SGCZ: variants seen among roughly 807,000 people sequenced by gnomAD.
The protein encoded by SGCZ is sarcoglycan zeta, also known as zeta-sarcoglycan.
In SGCZ, 40 loss-of-function variants were observed where a neutral mutation model predicts 41.3. The observed-to-expected ratio is 0.97, with a 90% CI of 0.75 to 1.26. The LOEUF (loss-of-function observed/expected upper bound fraction) is 1.26, where lower values mean the gene tolerates loss of function less well. Ranked by LOEUF, SGCZ falls within the 50% of genes most tolerant of loss-of-function variation. The pLI is 0.00. For missense variants in SGCZ, 552 were observed against 369.8 expected (o/e 1.49, Z -4.04); for synonymous variants, 206 against 137.5 (o/e 1.50, Z -3.49).
intron 4 of SGCZ, among the ~76,000 whole-genome samples, chr8:14,223,878 G>A (rs903040709): frequency 6.6e-6 from 1 of 152,178 alleles, no homozygotes; most frequent in African/African-American, 2.4e-5. Flanking sequence ...TACTAATAGT[G>A]ATAGCAGTTA....
rs375587306 is a variant in SGCZ, at chr8:14,682,611, T to C, written c.40-127685A>G. Among the ~76,000 whole-genome samples the C allele has an allele frequency of 3.3e-5, 5 of 152,184 alleles. No homozygotes were observed. The East Asian group carries it at 7.8e-4, about 24-fold the overall frequency. On this transcript the variant is annotated intron_variant, in intron 1 of 7. Coordinates refer to ENST00000382080, the MANE Select transcript of SGCZ (RefSeq NM_139167.4). ...CACCACGCCCGGCTAATTTTTTGTA[T>C]TTTTAGTAGAGACGGGATTTCACTG...
intron 2 of SGCZ, among the ~76,000 whole-genome samples, chr8:14,429,713 A>G (rs777102159): frequency 1.3e-5 from 2 of 152,190 alleles, no homozygotes; most frequent in Non-Finnish European, 2.9e-5. Context: ...AAGAGGACAA[A>G]ACACAGTTCT....
intron 1 of SGCZ, among the ~76,000 whole-genome samples, chr8:15,121,618 C>G (rs960689675): frequency 6.6e-6 from 1 of 151,994 alleles, no homozygotes; most frequent in Non-Finnish European, 1.5e-5. Context: ...ATTTAAGAAA[C>G]AGAAAAGAAA....
chr8:14,247,433 G>C (rs1392700001), intron 3 of SGCZ, among the ~76,000 whole-genome samples: 1 of 152,144 alleles, frequency 6.6e-6, no homozygotes, highest in East Asian at 1.9e-4. Flanking sequence ...CAGGGAATCT[G>C]GGGTAATCTA....
chr8:14,772,093 T>A (rs1563259015), intron 1 of SGCZ, among the ~76,000 whole-genome samples: 1 of 152,148 alleles, frequency 6.6e-6, no homozygotes, highest in South Asian at 2.1e-4. Context: ...TTCAATATAG[T>A]ATTCAATAAG....
intron 2 of SGCZ, among the ~76,000 whole-genome samples, chr8:14,422,596 C>G (rs1799664558): frequency 6.6e-6 from 1 of 152,148 alleles, no homozygotes; most frequent in African/African-American, 2.4e-5. Flanking sequence ...TACTGTAAAA[C>G]AATGCCTTGT....
chr8:14,254,191 G>T (rs10112034), intron 3 of SGCZ, among the ~76,000 whole-genome samples: 1 of 152,022 alleles, frequency 6.6e-6, no homozygotes, highest in East Asian at 1.9e-4. Context: ...GTGAACCCTG[G>T]ATTTTGAGTT....
intron 1 of SGCZ, 123 bp downstream of exon 1, chr8:15,237,462 C>T (rs1487232040): frequency 8.4e-6 from 10 of 1,186,964 alleles, no homozygotes; most frequent in African/African-American, 4.5e-5. Context: ...GTCCCCCCAA[C>T]GCCCCCTCGT....
intron 2 of SGCZ, among the ~76,000 whole-genome samples, chr8:14,365,821 A>G (rs1803686599): frequency 6.6e-6 from 1 of 152,152 alleles, no homozygotes; most frequent in Admixed American, 6.5e-5. Flanking sequence ...GGCTGTTAAT[A>G]AAATCATATT....
intron 1 of SGCZ, among the ~76,000 whole-genome samples, chr8:14,584,658 C>T (rs974731701): frequency 2.2e-4 from 34 of 152,072 alleles, no homozygotes; most frequent in African/African-American, 8.0e-4. Context: ...GGGCCAAAAG[C>T]ACGCTAAATT....
intron 1 of SGCZ, among the ~76,000 whole-genome samples, chr8:14,854,816 A>C (rs1338674325): frequency 6.6e-6 from 1 of 151,994 alleles, no homozygotes; most frequent in Non-Finnish European, 1.5e-5. Flanking sequence ...CTCCCAGGGC[A>C]TATAAACCCG....
intron 4 of SGCZ, among the ~76,000 whole-genome samples, chr8:14,202,775 T>C (rs954613631): frequency 6.6e-6 from 1 of 152,176 alleles, no homozygotes; most frequent in Non-Finnish European, 1.5e-5. Context: ...AGATCTCTCC[T>C]GACACATTTT....
chr8:14,171,731 T>A (rs1248205111), intron 4 of SGCZ, among the ~76,000 whole-genome samples: 1 of 151,860 alleles, frequency 6.6e-6, no homozygotes, highest in Non-Finnish European at 1.5e-5. Context: ...TATTTATTTA[T>A]CCTACCACTT....
At chr8:15,167,861 T>C (rs891035985) in intron 1 of SGCZ, among the ~76,000 whole-genome samples, 2 of 152,164 alleles carry the variant, frequency 1.3e-5, no homozygotes, top group Non-Finnish European at 2.9e-5. Context: ...GGATGGGTAA[T>C]GTACAAATCC....
chr8:15,096,666 T>C (rs1161060325), intron 1 of SGCZ, among the ~76,000 whole-genome samples: 4 of 152,076 alleles, frequency 2.6e-5, no homozygotes, highest in African/African-American at 4.8e-5. Context: ...TTAATTTTTA[T>C]TTTATGTTAC....
At chr8:15,227,568 G>T (rs896022496) in intron 1 of SGCZ, among the ~76,000 whole-genome samples, 15 of 152,128 alleles carry the variant, frequency 9.9e-5, no homozygotes, top group East Asian at 1.9e-4. Context: ...GTTTATTTTT[G>T]ATTTATTTGG....
intron 1 of SGCZ, among the ~76,000 whole-genome samples, chr8:14,803,203 G>C (rs1254807093): frequency 6.6e-6 from 1 of 152,026 alleles, no homozygotes; most frequent in South Asian, 2.1e-4. Flanking sequence ...ACCTTTAAAA[G>C]ACCAAACTGT....
At position 14,341,599 on chromosome 8, in the gene SGCZ, T is replaced by C. The variant is rs78589788; in HGVS notation, c.235-17395A>G. Among the ~76,000 whole-genome samples the C allele has an allele frequency of 9.2e-3, 1,403 of 152,238 alleles. 25 individuals carry two copies. The highest frequency in any genetic ancestry group is 0.032 in the African/African-American group (1,318 of 41,538). The stretch of plus-strand genomic sequence containing the variant: ...TTCTCAAACTGCTTGCCAACTGGTA[T>C]GGTTTGGCTGTGTCCCCTCCCAAAT... On this transcript the variant is annotated intron_variant, in intron 2 of 7. Coordinates refer to ENST00000382080, the MANE Select transcript of SGCZ (RefSeq NM_139167.4).
intron 1 of SGCZ, among the ~76,000 whole-genome samples, chr8:15,100,009 CA>C (rs554539036): frequency 2.0e-5 from 3 of 151,748 alleles, no homozygotes; most frequent in Admixed American, 2.0e-4. Context: ...CTTTAATGTT[CA>C]AAAAAAGAGA....
Sources: gnomAD v4.1 joint callset for allele counts (sites outside exome capture counted in the v4.1 genomes callset) on GRCh38, gnomAD v4.1.1 for gene constraint, MANE v1.5 for transcripts, NCBI Gene and HGNC (gene_info 2026-07-23, HGNC 2026-07-21) for gene names.